ALKAL1: variants seen among roughly 807,000 people sequenced by gnomAD.
The protein encoded by ALKAL1 is ALK and LTK ligand 1.
A neutral mutation model predicts 13.5 loss-of-function variants in ALKAL1; 23 were observed. The observed-to-expected ratio is 1.70, with a 90% CI of 1.23 to 2.41. The LOEUF (loss-of-function observed/expected upper bound fraction) is 2.41. Among genes scored for constraint, ALKAL1 ranks in the 30% most tolerant of loss-of-function variants. The probability of loss-of-function intolerance (pLI) is 0.00; values close to 1 mark genes in which losing one functional copy is unlikely to be tolerated. For synonymous variants in ALKAL1, 85 were observed against 77.7 expected, an observed-to-expected ratio of 1.09 and a Z score of -0.49; for missense variants, 181 against 178.4, an observed-to-expected ratio of 1.01 and a Z score of -0.08.
intron 1 of ALKAL1, among the ~76,000 whole-genome samples, chr8:52,562,901 T>G (rs1023495435): frequency 2.0e-5 from 3 of 152,172 alleles, no homozygotes; most frequent in African/African-American, 7.2e-5. Context: ...TAGGCCCTTG[T>G]CCTCTATATT....
At chr8:52,535,550 C>CAAAAAAAAAAA (rs10719477) in intron 4 of ALKAL1, among the ~76,000 whole-genome samples, 7 of 68,630 alleles carry the variant, frequency 1.0e-4, no homozygotes, top group African/African-American at 1.2e-4. Context: ...GACCCTGTCT[C>CAAAAAAAAAAA]AAAAAAAAAA....
intron 1 of ALKAL1, among the ~76,000 whole-genome samples, chr8:52,562,859 C>G (rs768796772): frequency 1.3e-5 from 2 of 152,174 alleles, no homozygotes; most frequent in Non-Finnish European, 2.9e-5. Flanking sequence ...ACCCCTGCCA[C>G]CTGCTGAGTG....
chr8:52,553,604 T>A (rs1847450952), intron 1 of ALKAL1, among the ~76,000 whole-genome samples: 1 of 152,128 alleles, frequency 6.6e-6, no homozygotes, highest in Non-Finnish European at 1.5e-5. Context: ...AATTAAATAA[T>A]CTCTAAAGTC....
At chr8:52,544,227 A>G (rs1176501494) in intron 1 of ALKAL1, among the ~76,000 whole-genome samples, 1 of 152,216 alleles carries the variant, frequency 6.6e-6, no homozygotes, top group African/African-American at 2.4e-5. Flanking sequence ...CAGCCCACCA[A>G]GAAAACCAGA....
rs1847485212 is a variant in ALKAL1, at chr8:52,556,640, C to T, written c.190+8427G>A. ...CCAGCCTGGGCGACAGAGCGAAACT[C>T]TGTCTCAAAAAAAAAAAAAAAAAAA... On this transcript the variant is annotated intron_variant, in intron 1 of 4. Coordinates refer to ENST00000358543, the MANE Select transcript of ALKAL1 (RefSeq NM_207413.4). Among the ~76,000 whole-genome samples, 3 of 91,956 alleles carry T rather than the reference C, an allele frequency of 3.3e-5. No homozygotes were observed. In the South Asian group the frequency reaches 1.3e-3, roughly 40 times the overall value. 60.3% of individuals were successfully genotyped at this position (91,956 alleles called of 152,430 possible).
intron 1 of ALKAL1, among the ~76,000 whole-genome samples, chr8:52,552,782 C>T (rs535619866): frequency 1.3e-5 from 2 of 152,206 alleles, no homozygotes; most frequent in South Asian, 4.1e-4. Flanking sequence ...TTTTTAAAAA[C>T]TTTCTGGCAT....
intron 1 of ALKAL1, among the ~76,000 whole-genome samples, chr8:52,548,456 AAAC>A (rs1427818792): frequency 2.6e-5 from 4 of 152,222 alleles, no homozygotes; most frequent in African/African-American, 7.2e-5. Context: ...TGACTACAGT[AAAC>A]AATAATATAC....
intron 1 of ALKAL1, among the ~76,000 whole-genome samples, chr8:52,548,684 A>G (rs2150345715): frequency 6.6e-6 from 1 of 152,272 alleles, no homozygotes; most frequent in Non-Finnish European, 1.5e-5. Context: ...ATAAAAGATT[A>G]CATTATTTGG....
At chr8:52,558,475 G>A (rs1465870299) in intron 1 of ALKAL1, among the ~76,000 whole-genome samples, 1 of 151,440 alleles carries the variant, frequency 6.6e-6, no homozygotes, top group Non-Finnish European at 1.5e-5. Flanking sequence ...CCAAATAACA[G>A]TGTGCCTATT....
At chr8:52,542,774 T>A (rs1847326991) in intron 1 of ALKAL1, among the ~76,000 whole-genome samples, 1 of 152,258 alleles carries the variant, frequency 6.6e-6, no homozygotes, top group Admixed American at 6.5e-5. Flanking sequence ...GGCATCACTC[T>A]TGATCAGGCC....
At position 52,544,779 on chromosome 8, in the gene ALKAL1, G is replaced by T. The variant is rs553967778; in HGVS notation, c.191-2334C>A. On this transcript the variant is annotated intron_variant, in intron 1 of 4. Coordinates refer to ENST00000358543, the MANE Select transcript of ALKAL1 (RefSeq NM_207413.4). ...ACCACCAAAAAAAAAGGGCAACTGT[G>T]AGATGATGGATATGATTTGCTTGAC... Among the ~76,000 whole-genome samples, 6 of 152,288 alleles carry T rather than the reference G, an allele frequency of 3.9e-5. No individual in the cohort carries two copies. The South Asian group carries it at 1.2e-3, about 32-fold the overall frequency.
Position 52,539,922 on chromosome 8 carries a change from G to A in ALKAL1, c.245-11C>T. On this transcript the variant is annotated splice_polypyrimidine_tract_variant and intron_variant, in intron 2 of 4. Transcript: ENST00000358543. ...AAAATGTGACCGGCCCTAGAGCACA[G>A]GAAAAGAATGCTTATTATAAACATA... 1.2e-6 allele frequency: 2 copies of A among 1,603,512 alleles called. No homozygotes were observed. Among genetic ancestry groups the A allele is most frequent in the Non-Finnish European group, 1.7e-6 (2 of 1,176,022 alleles).
intron 1 of ALKAL1, among the ~76,000 whole-genome samples, chr8:52,548,396 T>A (rs1344666157): frequency 1.3e-5 from 2 of 151,160 alleles, no homozygotes; most frequent in South Asian, 2.1e-4. Flanking sequence ...AAGCTTCAAA[T>A]GACAACTAGA....
intron 1 of ALKAL1, among the ~76,000 whole-genome samples, chr8:52,546,439 T>C (rs1411409644): frequency 6.6e-6 from 1 of 152,238 alleles, no homozygotes; most frequent in Non-Finnish European, 1.5e-5. Flanking sequence ...GAATAATAGC[T>C]CCTTACTCCA....
Position 52,539,836 on chromosome 8 carries a change from G to T in ALKAL1, c.320C>A (p.Pro107Gln), listed in dbSNP as rs769682585. The change falls in exon 3 of 5, where the codon CCA becomes CAA. Residue 107 changes from proline (P) to glutamine (Q), a missense_variant. Physicochemically the swap from Pro to Gln is moderately conservative, Grantham distance 76. Transcript: ENST00000358543. ...LYYNTRECSTPAYYKRCARLL... is the reference protein window; with the variant it reads ...LYYNTRECSTQAYYKRCARLL... ...AACCCACCCAAGTTACTTACAAGCT[G>T]GCGTTGAGCACTCCCTGGTATTGTA... The T allele has an allele frequency of 3.1e-6, 5 of 1,607,120 alleles. No homozygotes were observed. The Middle Eastern group carries it at 6.6e-4, about 213-fold the overall frequency.
chr8:52,534,978 A>C (rs1847251829), intron 4 of ALKAL1, among the ~76,000 whole-genome samples: 1 of 152,218 alleles, frequency 6.6e-6, no homozygotes, highest in South Asian at 2.1e-4. Context: ...GAGAGAAATC[A>C]CTAAGTCTCT....
chr8:52,559,089 G>C (rs1237034947), intron 1 of ALKAL1, among the ~76,000 whole-genome samples: 1 of 152,102 alleles, frequency 6.6e-6, no homozygotes, highest in African/African-American at 2.4e-5. Context: ...CACCTCCCAG[G>C]AAGGGCATTA....
chr8:52,555,944 GTTAAAACAAATCCCAGGTACATT>G (rs1349645383), intron 1 of ALKAL1, among the ~76,000 whole-genome samples: 41 of 152,158 alleles, frequency 2.7e-4, no homozygotes, highest in African/African-American at 9.6e-4. Context: ...ACTATCTCTG[GTTAAAACAAATCCCAGGTACATT>G]TTAAAACACG....
intron 1 of ALKAL1, among the ~76,000 whole-genome samples, chr8:52,564,862 GC>G (rs1847584063): frequency 6.6e-6 from 1 of 152,210 alleles, no homozygotes; most frequent in African/African-American, 2.4e-5. Flanking sequence ...CCCATTGCCA[GC>G]CGGATTTCTT....
Sources: gnomAD v4.1 joint callset for allele counts (sites outside exome capture counted in the v4.1 genomes callset) on GRCh38, gnomAD v4.1.1 for gene constraint, MANE v1.5 for transcripts, NCBI Gene and HGNC (gene_info 2026-07-23, HGNC 2026-07-21) for gene names.